The following GPR143 variants were observed in gnomAD, a reference collection of about 807,000 sequenced individuals.
GPR143 encodes the protein G-protein coupled receptor 143.
Under a neutral mutation model 27.6 loss-of-function variants are expected in GPR143, and 8 were observed. That is an observed-to-expected ratio of 0.29 (90% CI 0.17 to 0.52). The LOEUF (loss-of-function observed/expected upper bound fraction) is 0.52, where lower values mean the gene tolerates loss of function less well. Among genes scored for constraint, GPR143 ranks in the 20% least tolerant of loss-of-function variants. The probability of loss-of-function intolerance (pLI) is 0.96; values close to 1 mark genes in which losing one functional copy is unlikely to be tolerated. For synonymous variants in GPR143, 156 were observed against 153.2 expected (o/e 1.02, Z -0.13); for missense variants, 303 against 343.1 (o/e 0.88, Z 0.92).
At chrX:9,776,549 CTTT>C (rs145411367) in intron 1 of GPR143, among the ~76,000 whole-genome samples, 1 of 71,605 alleles carries the variant, frequency 1.4e-5, no homozygotes, top group African/African-American at 5.6e-5. Flanking sequence ...CCATGCCTAG[CTTT>C]TTTTTTTTTT....
chrX:9,760,000 C>T (rs770626365), intron 2 of GPR143, among the ~76,000 whole-genome samples: 39 of 112,244 alleles, frequency 3.5e-4, no homozygotes, highest in Non-Finnish European at 5.3e-4. Flanking sequence ...ACCACCGTGA[C>T]GGATGGAGCA....
chrX:9,759,455 T>C (rs776290292), intron 2 of GPR143, 29 bp from the exon 3 acceptor site: 1 of 1,026,718 alleles, frequency 9.7e-7, no homozygotes. Context: ...TGCATCAAAA[T>C]GTCTGGAAAC....
At chrX:9,756,876 G>A (rs767567797) in intron 3 of GPR143, among the ~76,000 whole-genome samples, 3 of 112,516 alleles carry the variant, frequency 2.7e-5, no homozygotes, top group Non-Finnish European at 5.6e-5. Context: ...TACACACCTA[G>A]ATATATACTC....
intron 1 of GPR143, among the ~76,000 whole-genome samples, chrX:9,765,090 T>C (rs1043077017): frequency 9.0e-6 from 1 of 111,137 alleles, no homozygotes; most frequent in Admixed American, 9.5e-5. Context: ...CGCTTTCTCT[T>C]TTCTCTGTGG....
At chrX:9,774,533 CCT>C (rs1384947796) in intron 1 of GPR143, among the ~76,000 whole-genome samples, 2 of 112,371 alleles carry the variant, frequency 1.8e-5, no homozygotes, top group Non-Finnish European at 3.8e-5. Flanking sequence ...CTTCAGCCTC[CCT>C]GAGTGAGTTC....
chrX:9,763,311 T>C (rs982937780), intron 1 of GPR143, among the ~76,000 whole-genome samples: 1 of 110,198 alleles, frequency 9.1e-6, no homozygotes, highest in Non-Finnish European at 1.9e-5. Flanking sequence ...ACTCCAGCTC[T>C]GAAAAAATAA....
intron 5 of GPR143, 44 bp downstream of exon 5, chrX:9,746,000 C>G: frequency 1.2e-6 from 1 of 802,322 alleles, no homozygotes; most frequent in South Asian, 2.0e-5. Flanking sequence ...GGCATGGGGC[C>G]GCTCCCAGTG....
intron 3 of GPR143, among the ~76,000 whole-genome samples, chrX:9,751,997 G>C (rs183829675): frequency 1.3e-3 from 143 of 112,863 alleles, no homozygotes; most frequent in South Asian, 6.6e-3. Flanking sequence ...AGAGGCCATA[G>C]CTGGATGGAG....
chrX:9,749,233 C>G (rs775641379), intron 3 of GPR143, among the ~76,000 whole-genome samples: 1 of 105,388 alleles, frequency 9.5e-6, no homozygotes, highest in Admixed American at 1.0e-4. Flanking sequence ...CCCTCCCCCC[C>G]CAACCCCCTC....
intron 2 of GPR143, 49 bp downstream of exon 2, chrX:9,760,668 T>A (rs1349058760): frequency 1.5e-6 from 1 of 676,181 alleles, no homozygotes; most frequent in Non-Finnish European, 2.4e-6. Flanking sequence ...TGCTGCGATT[T>A]GAGGAGCATA....
At chrX:9,735,285 G>A in intron 8 of GPR143, among the ~76,000 whole-genome samples, 1 of 111,876 alleles carries the variant, frequency 8.9e-6, no homozygotes, top group East Asian at 2.8e-4. Context: ...AAACGCCCTA[G>A]CAGAATCTTT....
chrX:9,726,960 G>A (rs1304328409), intron 8 of GPR143, among the ~76,000 whole-genome samples: 1 of 112,512 alleles, frequency 8.9e-6, no homozygotes, highest in Non-Finnish European at 1.9e-5. Context: ...CACTCCCATC[G>A]AAAGAGTAAT....
rs934216064 is a variant in GPR143, at chrX:9,774,991, G to A, written c.-3+11251C>T. Among the ~76,000 whole-genome samples the A allele has an allele frequency of 2.7e-5, 3 of 111,253 alleles. No individual in the cohort carries two copies. The Admixed American group carries it at 2.9e-4, about 11-fold the overall frequency. On this transcript the variant is annotated intron_variant, in intron 1 of 7. Transcript: ENST00000447366. Reference sequence around the variant, plus strand: ...CGATACTCCCACCTTAGCCTCCTGAGTAGCAGAGACGACAGGCATGTGCCA... The same window carrying A: ...CGATACTCCCACCTTAGCCTCCTGAATAGCAGAGACGACAGGCATGTGCCA...
chrX:9,744,224 C>T (rs1458427591), intron 5 of GPR143, among the ~76,000 whole-genome samples: 1 of 110,820 alleles, frequency 9.0e-6, no homozygotes, highest in East Asian at 2.8e-4. Context: ...GTAATCCCAG[C>T]TATCCGGGAG....
intron 1 of GPR143, among the ~76,000 whole-genome samples, chrX:9,771,707 C>CTTT (rs1263459686): frequency 8.4e-5 from 3 of 35,641 alleles, no homozygotes; most frequent in Admixed American, 3.0e-4. Flanking sequence ...GGAGCATTCT[C>CTTT]TCTCTTTTTT....
intron 3 of GPR143, among the ~76,000 whole-genome samples, chrX:9,758,902 TAAAC>T (rs2083484137): frequency 8.9e-6 from 1 of 112,268 alleles, no homozygotes; most frequent in African/African-American, 3.2e-5. Flanking sequence ...AAGTAAAAAA[TAAAC>T]AATAAAATTG....
chrX:9,764,504 G>GCACACACA (rs201690882), intron 1 of GPR143, among the ~76,000 whole-genome samples: 19 of 99,094 alleles, frequency 1.9e-4, no homozygotes, highest in East Asian at 1.0e-3. Flanking sequence ...TTACACACGC[G>GCACACACA]CACACACACA....
intron 8 of GPR143, among the ~76,000 whole-genome samples, chrX:9,726,800 A>C (rs2083329692): frequency 8.9e-6 from 1 of 111,848 alleles, no homozygotes; most frequent in African/African-American, 3.3e-5. Flanking sequence ...TTTTGATTTC[A>C]TTATTTCCTT....
At chrX:9,740,929 T>A in intron 7 of GPR143, 1 of 297,419 alleles carries the variant, frequency 3.4e-6, no homozygotes. Flanking sequence ...TGCACCAAAC[T>A]GTTTGACCAG....
Sources: allele counts gnomAD v4.1 joint callset (sites outside exome capture counted in the v4.1 genomes callset), GRCh38; gene constraint gnomAD v4.1.1; transcripts MANE v1.5; gene names NCBI Gene and HGNC (gene_info 2026-07-23, HGNC 2026-07-21).